Variants in DDI2 observed in about 807,000 individuals in gnomAD.
The protein encoded by DDI2 is protein DDI1 homolog 2.
Under a neutral mutation model 48.1 loss-of-function variants are expected in DDI2, and 5 were observed. The ratio of observed to expected loss-of-function variants is 0.10; its 90% CI spans 0.05 to 0.22. The LOEUF (loss-of-function observed/expected upper bound fraction) is 0.22. Ranked by LOEUF, DDI2 falls within the 10% of genes least tolerant of loss-of-function variation. The probability of loss-of-function intolerance (pLI) is 1.00; values close to 1 mark genes in which losing one functional copy is unlikely to be tolerated. For synonymous variants in DDI2, 205 were observed against 183.6 expected (o/e 1.12, Z -0.94); for missense variants, 285 against 506.2 (o/e 0.56, Z 4.19).
At chr1:15,656,126 T>C (rs1041240865) in intron 8 of DDI2, among the ~76,000 whole-genome samples, 2 of 152,050 alleles carry the variant, frequency 1.3e-5, no homozygotes, top group African/African-American at 4.8e-5. Context: ...CAGGCCAGAG[T>C]CACTGTGTTC....
At chr1:15,636,613 A>G (rs912148992) in intron 4 of DDI2, among the ~76,000 whole-genome samples, 1 of 152,198 alleles carries the variant, frequency 6.6e-6, no homozygotes, top group African/African-American at 2.4e-5. Context: ...CTGAGACTAC[A>G]GGCTTGTGCT....
chr1:15,627,364 A>C (rs896223144), intron 2 of DDI2, among the ~76,000 whole-genome samples: 24 of 152,240 alleles, frequency 1.6e-4, no homozygotes, highest in African/African-American at 5.8e-4. Context: ...CAGGAATTAA[A>C]ATTTGATGCT....
intron 3 of DDI2, among the ~76,000 whole-genome samples, chr1:15,631,065 G>C (rs12081650): frequency 6.6e-6 from 1 of 152,088 alleles, no homozygotes; most frequent in Non-Finnish European, 1.5e-5. Context: ...GGATGGTCTC[G>C]ATCTCCTGAC....
intron 1 of DDI2, among the ~76,000 whole-genome samples, chr1:15,618,546 T>G (rs1639603567): frequency 6.6e-6 from 1 of 152,220 alleles, no homozygotes; most frequent in Non-Finnish European, 1.5e-5. Context: ...AGTTCAAAGC[T>G]CAATGCTTTA....
chr1:15,620,802 A>AT (rs1639648355), intron 1 of DDI2, among the ~76,000 whole-genome samples: 1 of 152,218 alleles, frequency 6.6e-6, no homozygotes, highest in Non-Finnish European at 1.5e-5. Context: ...TCTGTAAAGT[A>AT]ACATTGTACA....
intron 1 of DDI2, among the ~76,000 whole-genome samples, chr1:15,622,329 G>GT (rs1639678798): frequency 6.6e-6 from 1 of 151,654 alleles, no homozygotes; most frequent in Non-Finnish European, 1.5e-5. Flanking sequence ...TGGCCTACTA[G>GT]TTTATGTTCT....
At chr1:15,631,568 C>T (rs1289571749) in intron 3 of DDI2, among the ~76,000 whole-genome samples, 2 of 152,170 alleles carry the variant, frequency 1.3e-5, no homozygotes, top group South Asian at 2.1e-4. Context: ...GCAATCTTTA[C>T]CTTAAGCGAA....
rs184906315 is a variant in DDI2 at position 15,619,061 on chromosome 1, T to C, written c.138+1253T>C. ...ACCAGTTCTGTCAGTGAATGCCTCATGTGGAGAACTAGGAAAGGACTGTTT... is the reference window on the plus strand; with the variant it reads ...ACCAGTTCTGTCAGTGAATGCCTCACGTGGAGAACTAGGAAAGGACTGTTT... On this transcript the variant is annotated intron_variant, in intron 1 of 9. Coordinates refer to ENST00000480945, the MANE Select transcript of DDI2 (RefSeq NM_032341.5). Among the ~76,000 whole-genome samples, 4 of 152,354 alleles carry C rather than the reference T, an allele frequency of 2.6e-5. No individual in the cohort carries two copies. In the East Asian group the frequency reaches 7.7e-4, roughly 29 times the overall value.
rs57715982 is a variant in DDI2, at chr1:15,637,747, A to G, written c.633-560A>G. Among the ~76,000 whole-genome samples the G allele has an allele frequency of 5.8e-3, 883 of 151,948 alleles. 9 individuals carry two copies. The highest frequency in any genetic ancestry group is 0.02 in the African/African-American group (827 of 41,442). On this transcript the variant is annotated intron_variant, in intron 4 of 9. Coordinates refer to ENST00000480945, the MANE Select transcript of DDI2 (RefSeq NM_032341.5). The stretch of plus-strand genomic sequence containing the variant: ...CATGTAGTTTTAAGTGATGGGTGCA[A>G]TTTTTTTGTAGCATAAGCTGTTATA...
intron 5 of DDI2, among the ~76,000 whole-genome samples, chr1:15,642,567 T>C (rs890974360): frequency 4.6e-5 from 7 of 152,200 alleles, no homozygotes; most frequent in African/African-American, 1.7e-4. Context: ...CCTCCCGTCT[T>C]GGCCTCCTGA....
chr1:15,628,353 A>G (rs569153236), intron 2 of DDI2, among the ~76,000 whole-genome samples: 9 of 152,358 alleles, frequency 5.9e-5, no homozygotes, highest in Non-Finnish European at 8.8e-5. Context: ...AACCCCTGCT[A>G]AAGGGTAGAA....
intron 9 of DDI2, 52 bp downstream of exon 9, chr1:15,656,731 G>C: frequency 5.6e-6 from 9 of 1,609,494 alleles, no homozygotes; most frequent in Non-Finnish European, 7.6e-6. Context: ...TCTGTGATCT[G>C]ACAGTCTGTA....
intron 2 of DDI2, among the ~76,000 whole-genome samples, chr1:15,628,989 C>T (rs1376004137): frequency 1.3e-5 from 2 of 152,082 alleles, no homozygotes; most frequent in African/African-American, 2.4e-5. Flanking sequence ...ATTAAAATTC[C>T]CTTTTATCTT....
In DDI2 at chr1:15,646,622, G is replaced by A. The variant is rs563098738; in HGVS notation, c.889+2972G>A. On this transcript the variant is annotated intron_variant, in intron 6 of 9. Coordinates refer to ENST00000480945, the MANE Select transcript of DDI2 (RefSeq NM_032341.5). ...GAATCGCTTGAACCTGGGAGGCAGAGGTTGCAGTAAGCTGAGATTGTGCCA... is the reference window on the plus strand; with the variant it reads ...GAATCGCTTGAACCTGGGAGGCAGAAGTTGCAGTAAGCTGAGATTGTGCCA... Among the ~76,000 whole-genome samples the A allele has an allele frequency of 9.9e-5, 15 of 152,122 alleles. No individual in the cohort carries two copies. In the South Asian group the frequency reaches 1.9e-3, roughly 19 times the overall value.
chr1:15,633,119 A>C (rs940254244), intron 3 of DDI2, among the ~76,000 whole-genome samples: 1 of 151,764 alleles, frequency 6.6e-6, no homozygotes, highest in Non-Finnish European at 1.5e-5. Flanking sequence ...TGTAGAGACA[A>C]GGTCTTGCTA....
intron 7 of DDI2, among the ~76,000 whole-genome samples, chr1:15,650,974 C>T (rs552834072): frequency 8.9e-4 from 135 of 152,274 alleles, no homozygotes; most frequent in African/African-American, 3.0e-3. Context: ...CCTGCCTCAG[C>T]CTCCCGAGTA....
At chr1:15,655,897 A>G (rs939822011) in intron 8 of DDI2, among the ~76,000 whole-genome samples, 1 of 152,154 alleles carries the variant, frequency 6.6e-6, no homozygotes, top group African/African-American at 2.4e-5. Flanking sequence ...CTGCACTCCA[A>G]CTTAGGCAAC....
chr1:15,646,691 A>C (rs1327194834), intron 6 of DDI2, among the ~76,000 whole-genome samples: 1 of 152,110 alleles, frequency 6.6e-6, no homozygotes, highest in Non-Finnish European at 1.5e-5. Flanking sequence ...CCATCTCTAA[A>C]GAAAAAAAAA....
intron 3 of DDI2, among the ~76,000 whole-genome samples, chr1:15,633,115 G>C (rs1639873125): frequency 6.6e-6 from 1 of 151,584 alleles, no homozygotes; most frequent in Admixed American, 6.6e-5. Flanking sequence ...TTTTTGTAGA[G>C]ACAAGGTCTT....
Sources: gnomAD v4.1 joint callset for allele counts (sites outside exome capture counted in the v4.1 genomes callset) on GRCh38, gnomAD v4.1.1 for gene constraint, MANE v1.5 for transcripts, NCBI Gene and HGNC (gene_info 2026-07-23, HGNC 2026-07-21) for gene names.